FHDC1: variants seen among roughly 807,000 people sequenced by gnomAD.
FHDC1 encodes the protein FH2 domain-containing protein 1.
FHDC1 carries 25 observed loss-of-function variants against 52.6 expected under a neutral mutation model. The observed-to-expected ratio is 0.48, with a 90% CI of 0.35 to 0.66. FHDC1 has a LOEUF of 0.66. Ranked by LOEUF, FHDC1 falls within the 30% of genes least tolerant of loss-of-function variation. FHDC1 has a pLI of 0.01. For missense variants in FHDC1, 1,459 were observed against 1,452.8 expected, an observed-to-expected ratio of 1.00 and a Z score of -0.07; for synonymous variants, 616 against 581.5, an observed-to-expected ratio of 1.06 and a Z score of -0.85.
At chr4:152,939,226 C>T (rs1402516177) in intron 1 of FHDC1, among the ~76,000 whole-genome samples, 1 of 151,962 alleles carries the variant, frequency 6.6e-6, no homozygotes, top group Non-Finnish European at 1.5e-5. Context: ...ACTACAGGCG[C>T]GCCACCACGC....
chr4:152,921,595 TC>T, the FHDC1 span, among the ~76,000 whole-genome samples: 1 of 135,884 alleles, frequency 7.4e-6, no homozygotes, highest in Non-Finnish European at 1.6e-5. Context: ...CCTCCCTCCC[TC>T]CCTCCCTCCC....
chr4:152,963,236 A>T, intron 8 of FHDC1, 106 bp downstream of exon 8: 1 of 946,974 alleles, frequency 1.1e-6, no homozygotes, highest in Non-Finnish European at 1.6e-6. Flanking sequence ...AGGAAAGGGC[A>T]TGGCAAGTTC....
At chr4:152,913,687 T>C in the FHDC1 span, among the ~76,000 whole-genome samples, 224 of 152,298 alleles carry the variant, frequency 1.5e-3, 6 homozygotes, top group East Asian at 0.04. Context: ...ATTTATTTAT[T>C]TATTTTTTTT....
In FHDC1 at chr4:152,943,199, T is replaced by G; in HGVS notation, c.142T>G (p.Ser48Ala). ...PPPPPPSPPC[S>A]CSREECPSSP... ...TCCACCCCCTCCATCTCCACCATGT[T>G]CATGTTCAAGGGAAGAGTGTCCTTC... The change falls in exon 2 of 12, where the codon TCA becomes GCA. Residue 48 changes from serine (S) to alanine (A), a missense_variant. Transcript: ENST00000511601. The G allele has an allele frequency of 6.2e-7, 1 of 1,611,362 alleles. No individual in the cohort carries two copies. The highest frequency in any genetic ancestry group is 8.5e-7 in the Non-Finnish European group (1 of 1,178,906).
At chr4:152,965,666 AT>A (rs1393545068) in intron 9 of FHDC1, among the ~76,000 whole-genome samples, 57 of 152,196 alleles carry the variant, frequency 3.7e-4, no homozygotes, top group African/African-American at 1.4e-3. Flanking sequence ...AAAAGTCCTG[AT>A]TTGTAGCATT....
chr4:152,958,642 C>G (rs1169938767), intron 4 of FHDC1, among the ~76,000 whole-genome samples: 2 of 152,228 alleles, frequency 1.3e-5, no homozygotes, highest in Non-Finnish European at 2.9e-5. Context: ...CTGTGATTTT[C>G]AGAGGTTTCA....
chr4:152,976,185 G>T lies in FHDC1; in HGVS notation c.2894G>T (p.Ser965Ile). The T allele has an allele frequency of 1.2e-6, 2 of 1,612,538 alleles. No individual in the cohort carries two copies. Among genetic ancestry groups the T allele is most frequent in the East Asian group, 4.5e-5 (2 of 44,862 alleles). ...CTGCCGCGGGGGAGCAGCGGCTCCA[G>T]CAGCACCCGTCCGGGGAGGGACGTT... ...QRLPRGSSGS[S>I]STRPGRDVPL... Residue 965 changes from serine (S) to isoleucine (I), a missense_variant, in exon 12 of 12, where the codon AGC (serine) becomes ATC (isoleucine). Coordinates refer to ENST00000511601, the MANE Select transcript of FHDC1 (RefSeq NM_001371116.1).
At chr4:152,933,648 G>A (rs868376111), upstream of FHDC1, among the ~76,000 whole-genome samples, 3 of 147,300 alleles carry the variant, frequency 2.0e-5, no homozygotes, top group Non-Finnish European at 3.0e-5. Context: ...CAGGAGAATC[G>A]CTTGAACCTG....
At chr4:152,928,149 A>G in the FHDC1 span, 14 of 838,984 alleles carry the variant, frequency 1.7e-5, no homozygotes, top group Non-Finnish European at 1.1e-5. Flanking sequence ...GGCACCATCA[A>G]TGCCACCGGA....
At chr4:152,949,152 A>AAGAAGAAGC (rs1739843154) in intron 2 of FHDC1, among the ~76,000 whole-genome samples, 5 of 142,762 alleles carry the variant, frequency 3.5e-5, no homozygotes, top group Non-Finnish European at 7.7e-5. Flanking sequence ...GAAGAAGAAG[A>AAGAAGAAGC]AGAAGAAGAA....
chr4:152,921,506 T>C, the FHDC1 span, among the ~76,000 whole-genome samples: 1 of 152,114 alleles, frequency 6.6e-6, no homozygotes. Context: ...GAATTTCAGG[T>C]TTTCCTAAGT....
chr4:152,937,636 A>G (rs1408774765), intron 1 of FHDC1, among the ~76,000 whole-genome samples: 1 of 151,546 alleles, frequency 6.6e-6, no homozygotes, highest in Non-Finnish European at 1.5e-5. Flanking sequence ...CCCGCCCCGC[A>G]GTCCCCGCCC....
chr4:152,972,159 G>GTC (rs1740656704), intron 10 of FHDC1, among the ~76,000 whole-genome samples: 1 of 152,104 alleles, frequency 6.6e-6, no homozygotes, highest in South Asian at 2.1e-4. Context: ...CTTAGTCTAG[G>GTC]TCTCACACGG....
chr4:152,949,121 TAATAAGAAGAAGAAGAAG>T (rs1287870659), intron 2 of FHDC1, among the ~76,000 whole-genome samples: 913 of 65,414 alleles, frequency 0.014, 9 homozygotes, highest in African/African-American at 0.04. Context: ...ATAATAATAA[TAATAAGAAGAAGAAGAAG>T]AAGAAGAAGA....
At position 152,975,709 on chromosome 4, in the gene FHDC1, C is replaced by G; in HGVS notation, c.2418C>G (p.Gly806=). ...CGGAGGAAGGCGGGGAAGGGGATGG[C>G]TCCATGTCCTCTGGGGTTGGAGAAA... ...GDPEEGGEGD[G]SMSSGVGEMG... is the part of the protein sequence containing the mutation. The change falls in exon 12 of 12, where the codon GGC becomes GGG. Residue 806 remains glycine, a synonymous_variant. Coordinates refer to ENST00000511601, the MANE Select transcript of FHDC1 (RefSeq NM_001371116.1). 1.2e-6 allele frequency: 2 copies of G among 1,608,898 alleles called. No homozygotes were observed. The highest frequency in any genetic ancestry group is 1.7e-6 in the Non-Finnish European group (2 of 1,176,842).
chr4:152,927,001 AG>A, the FHDC1 span, among the ~76,000 whole-genome samples: 7 of 152,242 alleles, frequency 4.6e-5, no homozygotes, highest in Non-Finnish European at 1.0e-4. Context: ...AATGGGTCTC[AG>A]GCTGAAGACT....
chr4:152,931,681 C>T (rs949326337), upstream of FHDC1, among the ~76,000 whole-genome samples: 3 of 152,162 alleles, frequency 2.0e-5, no homozygotes, highest in African/African-American at 7.2e-5. Flanking sequence ...CCCCTATTTA[C>T]TTCTGGCAAG....
the FHDC1 span, chr4:152,927,422 A>C: frequency 2.5e-6 from 2 of 786,650 alleles, no homozygotes. Context: ...CCGGGACTCT[A>C]TAGTGGCGAT....
At chr4:152,924,723 A>C in the FHDC1 span, among the ~76,000 whole-genome samples, 1 of 152,158 alleles carries the variant, frequency 6.6e-6, no homozygotes, top group Admixed American at 6.5e-5. Context: ...ACATGGATGA[A>C]ATTGGAAATC....
Sources: gnomAD v4.1 joint callset for allele counts (sites outside exome capture counted in the v4.1 genomes callset) on GRCh38, gnomAD v4.1.1 for gene constraint, MANE v1.5 for transcripts, NCBI Gene and HGNC (gene_info 2026-07-23, HGNC 2026-07-21) for gene names.